Variants in TLCD4 observed in about 807,000 individuals in gnomAD.
The protein encoded by TLCD4 is TLC domain containing 4, also known as TLC domain-containing protein 4.
In TLCD4, 7 loss-of-function variants were observed where a neutral mutation model predicts 24.2. That is an observed-to-expected ratio of 0.29 (90% CI 0.16 to 0.54). The LOEUF (loss-of-function observed/expected upper bound fraction) is 0.54. Ranked by LOEUF, TLCD4 falls within the 20% of genes least tolerant of loss-of-function variation. The probability of loss-of-function intolerance (pLI) is 0.95; values close to 1 mark genes in which losing one functional copy is unlikely to be tolerated. For missense variants in TLCD4, 259 were observed against 313.9 expected, an observed-to-expected ratio of 0.82 and a Z score of 1.32; for synonymous variants, 103 against 106.4, an observed-to-expected ratio of 0.97 and a Z score of 0.20.
At chr1:95,132,104 T>A (rs1676912497) in intron 1 of TLCD4, among the ~76,000 whole-genome samples, 1 of 152,238 alleles carries the variant, frequency 6.6e-6, no homozygotes, top group African/African-American at 2.4e-5. Flanking sequence ...GGCCATGCCC[T>A]TGAACTTCTC....
At chr1:95,152,731 A>G (rs1341924804) in intron 5 of TLCD4, among the ~76,000 whole-genome samples, 7 of 152,168 alleles carry the variant, frequency 4.6e-5, no homozygotes, top group Admixed American at 4.6e-4. Flanking sequence ...ATAGAGAGGT[A>G]CAAATCCTAC....
the TLCD4 span, among the ~76,000 whole-genome samples, chr1:95,100,313 G>A: frequency 2.0e-5 from 3 of 152,040 alleles, no homozygotes; most frequent in Admixed American, 6.5e-5. Context: ...GGTGGCTCAC[G>A]CCTGTAATCC....
rs1297209298 is a variant in TLCD4, at chr1:95,192,627, G to C, written c.*759G>C. 6.6e-6 allele frequency: 1 copy of C among 151,994 alleles called. No homozygotes were observed. The highest frequency in any genetic ancestry group is 2.4e-5 in the African/African-American group (1 of 41,384). The allele number at this position is 151,994 out of a possible 1,614,324, so 9.4% of individuals were successfully genotyped here. On this transcript the variant is annotated 3_prime_UTR_variant, in exon 7 of 7. Transcript: ENST00000370203. ...ACTATGGCTGTCAACACTTGTGTAG[G>C]GTTTAATTTCTAAATTGTTGGCATG...
chr1:95,173,929 G>A, intron 6 of TLCD4, 40 bp downstream of exon 6: 1 of 1,611,590 alleles, frequency 6.2e-7, no homozygotes, highest in Non-Finnish European at 8.5e-7. Flanking sequence ...AAGTCATGCT[G>A]TTTATTTTTA....
chr1:95,096,427 G>A, the TLCD4 span, among the ~76,000 whole-genome samples: 1 of 152,156 alleles, frequency 6.6e-6, no homozygotes, highest in East Asian at 1.9e-4. Context: ...CTGATCCCAG[G>A]GAGACTGTTG....
chr1:95,176,306 C>T (rs910351806), intron 6 of TLCD4, among the ~76,000 whole-genome samples: 3 of 151,712 alleles, frequency 2.0e-5, no homozygotes, highest in Admixed American at 6.6e-5. Flanking sequence ...ATTCTTGTGC[C>T]TCAGTCTCTT....
the TLCD4 span, among the ~76,000 whole-genome samples, chr1:95,102,975 T>TA: frequency 0.18 from 25,001 of 137,468 alleles, 2,161 homozygotes; most frequent in Non-Finnish European, 0.2. Flanking sequence ...AACTACTTTT[T>TA]AAAAAAAAAA....
At chr1:95,109,481 T>C in the TLCD4 span, among the ~76,000 whole-genome samples, 1 of 144,200 alleles carries the variant, frequency 6.9e-6, no homozygotes, top group Non-Finnish European at 1.5e-5. Flanking sequence ...TTTTCTCATG[T>C]AAGTTTTGCA....
At chr1:95,157,984 G>A (rs374597945) in intron 5 of TLCD4, among the ~76,000 whole-genome samples, 1 of 152,054 alleles carries the variant, frequency 6.6e-6, no homozygotes, top group Non-Finnish European at 1.5e-5. Flanking sequence ...GACACTATCC[G>A]TATCTTGATT....
intron 1 of TLCD4, among the ~76,000 whole-genome samples, chr1:95,134,656 G>A (rs1184492473): frequency 6.6e-6 from 1 of 152,182 alleles, no homozygotes; most frequent in Non-Finnish European, 1.5e-5. Context: ...AAGTGGTAGA[G>A]GATAGATCTC....
intron 1 of TLCD4, among the ~76,000 whole-genome samples, chr1:95,125,877 C>A: frequency 6.6e-6 from 1 of 152,122 alleles, no homozygotes; most frequent in East Asian, 1.9e-4. Context: ...GTATTCCGGC[C>A]ATAGTGGCTC....
intron 5 of TLCD4, among the ~76,000 whole-genome samples, chr1:95,160,706 G>C (rs138022929): frequency 6.6e-6 from 1 of 152,128 alleles, no homozygotes; most frequent in African/African-American, 2.4e-5. Context: ...AGAGTTTTTC[G>C]CATGAAGGCT....
At chr1:95,182,468 ATAAT>A (rs1359500661) in intron 6 of TLCD4, among the ~76,000 whole-genome samples, 3 of 152,168 alleles carry the variant, frequency 2.0e-5, no homozygotes, top group Non-Finnish European at 2.9e-5. Context: ...AAAATAATAA[ATAAT>A]TCTTACTGCT....
At chr1:95,135,765 T>C (rs1404992173) in intron 1 of TLCD4, among the ~76,000 whole-genome samples, 1 of 152,148 alleles carries the variant, frequency 6.6e-6, no homozygotes, top group Non-Finnish European at 1.5e-5. Flanking sequence ...AGACAGGGTC[T>C]CATTCTGTCA....
the TLCD4 span, among the ~76,000 whole-genome samples, chr1:95,094,261 G>T: frequency 6.6e-6 from 1 of 151,760 alleles, no homozygotes; most frequent in Non-Finnish European, 1.5e-5. Context: ...CTCCCAAGTA[G>T]CTGGGACTAA....
chr1:95,137,116 G>C (rs1010474999), intron 1 of TLCD4, among the ~76,000 whole-genome samples: 6 of 152,078 alleles, frequency 3.9e-5, no homozygotes, highest in South Asian at 2.1e-4. Context: ...GTGGGGGTTG[G>C]GGGGAGGTAG....
chr1:95,118,821 T>A (rs1467503269), intron 1 of TLCD4, among the ~76,000 whole-genome samples: 1 of 152,200 alleles, frequency 6.6e-6, no homozygotes, highest in Non-Finnish European at 1.5e-5. Context: ...ATTAGAAAAG[T>A]GTATTCCCGC....
At chr1:95,099,240 C>T in the TLCD4 span, among the ~76,000 whole-genome samples, 83 of 146,718 alleles carry the variant, frequency 5.7e-4, no homozygotes, top group Non-Finnish European at 1.1e-3. Flanking sequence ...CCAGCCTGGG[C>T]GACATGGTGA....
the TLCD4 span, among the ~76,000 whole-genome samples, chr1:95,105,039 AT>A: frequency 3.3e-5 from 5 of 152,326 alleles, no homozygotes; most frequent in East Asian, 1.9e-4. Context: ...ATAAAAAAAA[AT>A]AATACTTTCA....
Sources: allele counts gnomAD v4.1 joint callset (sites outside exome capture counted in the v4.1 genomes callset), GRCh38; gene constraint gnomAD v4.1.1; transcripts MANE v1.5; gene names NCBI Gene and HGNC (gene_info 2026-07-23, HGNC 2026-07-21).